The following SH3D19 variants were observed in gnomAD, a reference collection of about 807,000 sequenced individuals.
SH3D19 encodes the protein SH3 domain-containing protein 19.
In SH3D19, 58 loss-of-function variants were observed where a neutral mutation model predicts 112.1. The observed-to-expected ratio is 0.52, with a 90% confidence interval of 0.42 to 0.64. SH3D19 has a LOEUF of 0.64. SH3D19 is among the 30% of genes least tolerant of loss of function. The pLI, the probability that SH3D19 is intolerant of heterozygous loss-of-function variation, is 0.00. For synonymous variants in SH3D19, 391 were observed against 448.5 expected, an observed-to-expected ratio of 0.87 and a Z score of 1.62; for missense variants, 1,090 against 1,263.4, an observed-to-expected ratio of 0.86 and a Z score of 2.08.
At chr4:151,320,657 T>C (rs1730443181) in intron 1 of SH3D19, among the ~76,000 whole-genome samples, 2 of 152,076 alleles carry the variant, frequency 1.3e-5, no homozygotes, top group African/African-American at 4.8e-5. Flanking sequence ...AAAGTTGAGA[T>C]TCCTGGGTAA....
At chr4:151,321,817 G>A (rs1468742109) in intron 1 of SH3D19, among the ~76,000 whole-genome samples, 1 of 152,150 alleles carries the variant, frequency 6.6e-6, no homozygotes, top group Non-Finnish European at 1.5e-5. Context: ...GCGTGTACAA[G>A]GCCTTCAGGC....
intron 1 of SH3D19, among the ~76,000 whole-genome samples, chr4:151,285,761 G>A (rs1774687543): frequency 6.6e-6 from 1 of 152,044 alleles, no homozygotes; most frequent in Non-Finnish European, 1.5e-5. Flanking sequence ...CAGCTACTTA[G>A]GAGACTGGGG....
chr4:151,293,141 T>C (rs1404703747), intron 1 of SH3D19, among the ~76,000 whole-genome samples: 1 of 150,630 alleles, frequency 6.6e-6, no homozygotes, highest in Non-Finnish European at 1.5e-5. Context: ...AAATAAAATA[T>C]AAAGTACATT....
intron 18 of SH3D19, 86 bp downstream of exon 18, chr4:151,128,084 T>G: frequency 8.9e-7 from 1 of 1,119,326 alleles, no homozygotes; most frequent in Non-Finnish European, 1.2e-6. Context: ...AAACTGAGCA[T>G]GGCCAGAGGG....
chr4:151,321,114 G>A (rs188470022), intron 1 of SH3D19, among the ~76,000 whole-genome samples: 260 of 152,266 alleles, frequency 1.7e-3, no homozygotes, highest in African/African-American at 5.8e-3. Context: ...AGTGAAAAAA[G>A]CACCTGGACT....
chr4:151,253,071 T>C (rs1221696424), intron 1 of SH3D19, among the ~76,000 whole-genome samples: 2 of 152,238 alleles, frequency 1.3e-5, no homozygotes, highest in African/African-American at 4.8e-5. Flanking sequence ...GTTTGATTCA[T>C]TTAAAATTTA....
intron 2 of SH3D19, among the ~76,000 whole-genome samples, chr4:151,217,540 C>T (rs1767324300): frequency 6.6e-6 from 1 of 152,042 alleles, no homozygotes; most frequent in Admixed American, 6.6e-5. Context: ...TTGTAATGGG[C>T]TCTAGAGAAC....
chr4:151,171,498 T>C (rs1759051739), intron 7 of SH3D19, among the ~76,000 whole-genome samples: 1 of 152,168 alleles, frequency 6.6e-6, no homozygotes, highest in Non-Finnish European at 1.5e-5. Context: ...TACTTGTATT[T>C]GCAATGTTTA....
chr4:151,322,472 C>T (rs1424871945), intron 1 of SH3D19, among the ~76,000 whole-genome samples: 1 of 143,576 alleles, frequency 7.0e-6, no homozygotes, highest in Non-Finnish European at 1.5e-5. Context: ...CTGAATTGAC[C>T]TCAGTACTTG....
At chr4:151,224,359 T>C (rs1768629353) in intron 2 of SH3D19, among the ~76,000 whole-genome samples, 1 of 152,194 alleles carries the variant, frequency 6.6e-6, no homozygotes, top group African/African-American at 2.4e-5. Context: ...GCCTGAACAT[T>C]AAACTTCTTT....
chr4:151,188,077 A>G (rs1762066829), intron 2 of SH3D19, among the ~76,000 whole-genome samples: 1 of 152,106 alleles, frequency 6.6e-6, no homozygotes, highest in East Asian at 1.9e-4. Flanking sequence ...TGACACGGCA[A>G]CAAGAAGACC....
chr4:151,302,259 C>A (rs1301091430), intron 1 of SH3D19, among the ~76,000 whole-genome samples: 1 of 152,212 alleles, frequency 6.6e-6, no homozygotes, highest in East Asian at 1.9e-4. Context: ...ACAGGTGAGG[C>A]TGAGCTACAT....
intron 1 of SH3D19, among the ~76,000 whole-genome samples, chr4:151,307,044 A>G (rs1283185720): frequency 7.2e-5 from 9 of 125,118 alleles, no homozygotes; most frequent in Non-Finnish European, 9.7e-5. Context: ...TTTGAGACGG[A>G]GTCTCGCTCT....
chr4:151,122,210 G>C lies in SH3D19; in HGVS notation c.3028-3C>G, dbSNP rs770710478. 2.6e-6 allele frequency: 4 copies of C among 1,529,940 alleles called. No individual in the cohort carries two copies. The South Asian group carries it at 4.5e-5, about 17-fold the overall frequency. 94.8% of individuals were successfully genotyped at this position (1,529,940 alleles called of 1,614,324 possible). On this transcript the variant is annotated splice_region_variant and splice_polypyrimidine_tract_variant and intron_variant, in intron 19 of 19. Coordinates refer to ENST00000604030, the MANE Select transcript of SH3D19 (RefSeq NM_001378122.1). ...AGCTCTGTTATTATATCTCCAGCCT[G>C]TAAGACAAAAGGAGTTAGAATTACT...
intron 1 of SH3D19, among the ~76,000 whole-genome samples, chr4:151,231,942 G>A (rs892821428): frequency 1.3e-5 from 2 of 152,176 alleles, no homozygotes; most frequent in African/African-American, 4.8e-5. Context: ...CCAGCACTTT[G>A]GGAGGCTGAG....
At chr4:151,200,133 G>A (rs1048982016) in intron 2 of SH3D19, among the ~76,000 whole-genome samples, 4 of 152,076 alleles carry the variant, frequency 2.6e-5, no homozygotes, top group African/African-American at 7.2e-5. Flanking sequence ...TCCCAGCCTC[G>A]AGAAGTGTGG....
chr4:151,151,659 T>C (rs1014674708), intron 9 of SH3D19, among the ~76,000 whole-genome samples: 10 of 152,310 alleles, frequency 6.6e-5, no homozygotes, highest in African/African-American at 2.2e-4. Flanking sequence ...ATGAGTTCAG[T>C]TAATGTAGTG....
intron 1 of SH3D19, among the ~76,000 whole-genome samples, chr4:151,292,885 CAAG>C (rs1214100248): frequency 6.6e-6 from 1 of 152,048 alleles, no homozygotes; most frequent in Non-Finnish European, 1.5e-5. Flanking sequence ...TTTGGGAGGC[CAAG>C]GAGGGTGGAT....
chr4:151,135,269 C>T (rs1751568609), intron 14 of SH3D19, 137 bp from the exon 15 acceptor site: 1 of 570,220 alleles, frequency 1.8e-6, no homozygotes, highest in Non-Finnish European at 3.0e-6. Context: ...AGAGGAACTA[C>T]AGGTGCTAAA....
Sources: allele counts gnomAD v4.1 joint callset (sites outside exome capture counted in the v4.1 genomes callset), GRCh38; gene constraint gnomAD v4.1.1; transcripts MANE v1.5; gene names NCBI Gene and HGNC (gene_info 2026-07-23, HGNC 2026-07-21).